The following SLC9A9 variants were observed in gnomAD, a reference collection of about 807,000 sequenced individuals.
SLC9A9 encodes solute carrier family 9 member A9, also known as sodium/hydrogen exchanger 9.
In SLC9A9, 62 loss-of-function variants were observed where a neutral mutation model predicts 77.8. The ratio of observed to expected loss-of-function variants is 0.80; its 90% CI spans 0.65 to 0.98. The LOEUF (loss-of-function observed/expected upper bound fraction) is 0.98. Ranked by LOEUF, SLC9A9 falls within the 50% of genes least tolerant of loss-of-function variation. The probability of loss-of-function intolerance (pLI) is 0.00; values close to 1 mark genes in which losing one functional copy is unlikely to be tolerated. For missense variants in SLC9A9, 775 were observed against 774.9 expected, an observed-to-expected ratio of 1.00 and a Z score of 0.00; for synonymous variants, 320 against 283.5, an observed-to-expected ratio of 1.13 and a Z score of -1.29.
intron 5 of SLC9A9, among the ~76,000 whole-genome samples, chr3:143,664,885 G>A (rs182564761): frequency 1.8e-4 from 28 of 152,264 alleles, no homozygotes; most frequent in African/African-American, 5.8e-4. Flanking sequence ...CAATAATAAT[G>A]GGAGACTTTA....
chr3:143,590,284 A>G (rs2037625065), intron 6 of SLC9A9, among the ~76,000 whole-genome samples: 1 of 152,232 alleles, frequency 6.6e-6, no homozygotes, highest in East Asian at 1.9e-4. Flanking sequence ...TAATATGTGT[A>G]TAGTGCTTAA....
At chr3:143,495,914 C>T (rs1559940311) in intron 9 of SLC9A9, among the ~76,000 whole-genome samples, 1 of 151,978 alleles carries the variant, frequency 6.6e-6, no homozygotes, top group African/African-American at 2.4e-5. Context: ...CTCAGGCAGG[C>T]AGGAGGGACA....
At chr3:143,290,442 G>C (rs1015056772) in intron 14 of SLC9A9, among the ~76,000 whole-genome samples, 7 of 152,190 alleles carry the variant, frequency 4.6e-5, no homozygotes, top group Admixed American at 4.6e-4. Context: ...GAAACAACAG[G>C]AATCTGGTCA....
intron 11 of SLC9A9, among the ~76,000 whole-genome samples, chr3:143,488,760 G>A (rs955762332): frequency 1.3e-5 from 2 of 151,746 alleles, no homozygotes; most frequent in African/African-American, 4.8e-5. Context: ...AATAAAAGCT[G>A]TATATAAAAT....
chr3:143,743,626 C>T (rs1935136833), intron 4 of SLC9A9, among the ~76,000 whole-genome samples: 1 of 152,084 alleles, frequency 6.6e-6, no homozygotes, highest in Non-Finnish European at 1.5e-5. Context: ...TTGAATTGTG[C>T]CTGCCCACAG....
At chr3:143,601,519 T>A (rs1489166438) in intron 6 of SLC9A9, among the ~76,000 whole-genome samples, 1 of 152,202 alleles carries the variant, frequency 6.6e-6, no homozygotes, top group Non-Finnish European at 1.5e-5. Context: ...AGCGTTTCTA[T>A]TCTGCAGAAC....
chr3:143,503,050 C>T (rs187225459), intron 9 of SLC9A9, among the ~76,000 whole-genome samples: 32 of 152,226 alleles, frequency 2.1e-4, no homozygotes, highest in South Asian at 1.9e-3. Context: ...TTTGCTCCTA[C>T]GATTTAATTT....
chr3:143,397,009 C>T (rs539325582), intron 12 of SLC9A9, among the ~76,000 whole-genome samples: 15 of 151,876 alleles, frequency 9.9e-5, no homozygotes, highest in Non-Finnish European at 1.9e-4. Flanking sequence ...GACACAAATG[C>T]AGATCTACAT....
chr3:143,560,162 G>A (rs983973415), intron 8 of SLC9A9, among the ~76,000 whole-genome samples: 2 of 152,214 alleles, frequency 1.3e-5, no homozygotes, highest in African/African-American at 2.4e-5. Context: ...GGATTTAAAT[G>A]CAGATTCTCC....
intron 12 of SLC9A9, among the ~76,000 whole-genome samples, chr3:143,452,503 TAAAA>T (rs58038873): frequency 1.0e-4 from 11 of 108,856 alleles, no homozygotes; most frequent in African/African-American, 1.7e-4. Context: ...TTAAAAAGAC[TAAAA>T]AAAAAAAAAA....
chr3:143,762,605 A>G (rs997295436), intron 4 of SLC9A9, among the ~76,000 whole-genome samples: 2 of 152,182 alleles, frequency 1.3e-5, no homozygotes, highest in African/African-American at 4.8e-5. Flanking sequence ...AGGGAGACAG[A>G]GGCAATAAAA....
intron 9 of SLC9A9, among the ~76,000 whole-genome samples, chr3:143,510,567 A>G (rs1024005081): frequency 6.6e-6 from 1 of 152,094 alleles, no homozygotes; most frequent in African/African-American, 2.4e-5. Context: ...AAAAATTTTC[A>G]AATTTAATTT....
At chr3:143,535,105 C>T (rs2036571412) in intron 9 of SLC9A9, among the ~76,000 whole-genome samples, 1 of 152,124 alleles carries the variant, frequency 6.6e-6, no homozygotes, top group Admixed American at 6.5e-5. Flanking sequence ...AGATCTGGTA[C>T]CTAATTCCTA....
chr3:143,713,872 G>T (rs774371684), intron 4 of SLC9A9, among the ~76,000 whole-genome samples: 1 of 152,144 alleles, frequency 6.6e-6, no homozygotes. Flanking sequence ...AGAGGAAGAT[G>T]GGAAAATGTA....
chr3:143,731,587 A>G (rs1934804716), intron 4 of SLC9A9, among the ~76,000 whole-genome samples: 1 of 152,178 alleles, frequency 6.6e-6, no homozygotes, highest in African/African-American at 2.4e-5. Flanking sequence ...TCCCTTTCTA[A>G]TATCATGTAT....
chr3:143,427,938 C>T (rs1000401439), intron 12 of SLC9A9, among the ~76,000 whole-genome samples: 7 of 151,974 alleles, frequency 4.6e-5, no homozygotes, highest in Non-Finnish European at 8.8e-5. Context: ...CAAATCAACT[C>T]GAAAGGAACT....
chr3:143,675,630 C>T (rs1261061751), intron 5 of SLC9A9, among the ~76,000 whole-genome samples: 4 of 152,088 alleles, frequency 2.6e-5, no homozygotes, highest in Non-Finnish European at 5.9e-5. Context: ...TTTCACTTCA[C>T]GGCAGACACA....
At chr3:143,526,870 T>G (rs2036416595) in intron 9 of SLC9A9, among the ~76,000 whole-genome samples, 1 of 152,162 alleles carries the variant, frequency 6.6e-6, no homozygotes, top group African/African-American at 2.4e-5. Context: ...TATATGTTAT[T>G]CTGTGTGTTG....
intron 12 of SLC9A9, among the ~76,000 whole-genome samples, chr3:143,407,305 C>T (rs759071645): frequency 3.3e-5 from 5 of 152,128 alleles, no homozygotes; most frequent in African/African-American, 1.2e-4. Flanking sequence ...TGCAAAGATA[C>T]AGCAGGACTC....
Sources: gnomAD v4.1 joint callset for allele counts (sites outside exome capture counted in the v4.1 genomes callset) on GRCh38, gnomAD v4.1.1 for gene constraint, MANE v1.5 for transcripts, NCBI Gene and HGNC (gene_info 2026-07-23, HGNC 2026-07-21) for gene names.